The following CYP2A13 variants were observed in gnomAD, a reference collection of about 807,000 sequenced individuals.
CYP2A13 encodes the protein cytochrome P450 family 2 subfamily A member 13.
In CYP2A13, 30 loss-of-function variants were observed where a neutral mutation model predicts 39.4. That is an observed-to-expected ratio of 0.76 (90% confidence interval 0.57 to 1.03). The LOEUF (loss-of-function observed/expected upper bound fraction) is 1.03, where lower values mean the gene tolerates loss of function less well. Among genes scored for constraint, CYP2A13 ranks in the 50% least tolerant of loss-of-function variants. The probability of loss-of-function intolerance (pLI) is 0.00; values close to 1 mark genes in which losing one functional copy is unlikely to be tolerated. For missense variants in CYP2A13, 731 were observed against 648.4 expected (o/e 1.13, Z -1.38); for synonymous variants, 269 against 254.7 (o/e 1.06, Z -0.54).
chr19:41,093,527 A>C (rs556095747), intron 5 of CYP2A13, 103 bp from the exon 6 acceptor site: 2 of 1,425,870 alleles, frequency 1.4e-6, no homozygotes, highest in East Asian at 2.3e-5. Context: ...CCCTCTTTCC[A>C]CCTTTGGTCT....
intron 6 of CYP2A13, among the ~76,000 whole-genome samples, chr19:41,094,001 T>C (rs113878672): frequency 0.024 from 3,649 of 152,182 alleles, 125 homozygotes; most frequent in African/African-American, 0.08. Flanking sequence ...CCACTGAGTG[T>C]CCGCTGCCTG....
rs368912033 is a variant in CYP2A13 at position 41,094,236 on chromosome 19, C to A, written c.974-9C>A. Reference sequence around the variant, plus strand: ...CTAGACACCTAAACACATTCCCCTCCTCCCCCAGCCAAGGTCCATGAGGAG... The same window carrying A: ...CTAGACACCTAAACACATTCCCCTCATCCCCCAGCCAAGGTCCATGAGGAG... On this transcript the variant is annotated splice_polypyrimidine_tract_variant and intron_variant, in intron 6 of 8. Transcript: ENST00000330436. The A allele has an allele frequency of 2.5e-5, 40 of 1,613,460 alleles. No individual in the cohort carries two copies. The Middle Eastern group carries it at 6.6e-4, about 27-fold the overall frequency.
rs3745284 is a variant in CYP2A13, at chr19:41,096,042, G to A, written c.*101G>A. Reference sequence around the variant, plus strand: ...GGGCGGGGCTAAGAATGGGGGCAGTGGGGGAAGGAAGGGGAGAGGTGGTTA... The same window carrying A: ...GGGCGGGGCTAAGAATGGGGGCAGTAGGGGAAGGAAGGGGAGAGGTGGTTA... On this transcript the variant is annotated 3_prime_UTR_variant, in exon 9 of 9. Coordinates refer to ENST00000330436, the MANE Select transcript of CYP2A13 (RefSeq NM_000766.5). The A allele has an allele frequency of 2.1e-5, 29 of 1,408,746 alleles. No homozygotes were observed. Among genetic ancestry groups the A allele is most frequent in the Admixed American group, 8.5e-5 (4 of 46,990 alleles). 87.3% of individuals were successfully genotyped at this position (1,408,746 alleles called of 1,614,324 possible).
chr19:41,088,521 T>C lies in CYP2A13; in HGVS notation c.50T>C (p.Val17Ala). 6.2e-7 allele frequency: 1 copy of C among 1,614,036 alleles called. No homozygotes were observed. Among genetic ancestry groups the C allele is most frequent in the Non-Finnish European group, 8.5e-7 (1 of 1,179,916 alleles). Reference protein sequence around the residue: ...LLVTLLACLTVMVLMSVWRQR... With the variant: ...LLVTLLACLTAMVLMSVWRQR... ...GTGACCTTGCTGGCCTGCCTGACTG[T>C]GATGGTCTTGATGTCAGTCTGGCGG... Residue 17 changes from valine (V) to alanine (A), a missense_variant, in exon 1 of 9, where the codon GTG (valine) becomes GCG (alanine). Coordinates refer to ENST00000330436, the MANE Select transcript of CYP2A13 (RefSeq NM_000766.5).
intron 5 of CYP2A13, among the ~76,000 whole-genome samples, chr19:41,092,206 C>T (rs1417709333): frequency 2.0e-5 from 3 of 150,696 alleles, no homozygotes; most frequent in Admixed American, 6.7e-5. Context: ...ATCCCAGCTA[C>T]TCAGGAGGCT....
At chr19:41,090,958 G>C (rs1260704697) in intron 4 of CYP2A13, among the ~76,000 whole-genome samples, 3 of 152,088 alleles carry the variant, frequency 2.0e-5, no homozygotes, top group Admixed American at 1.3e-4. Context: ...TGAACACCTG[G>C]TGCTGCAAAA....
chr19:41,089,941 C>T (rs1426248357), intron 2 of CYP2A13, 106 bp from the exon 3 acceptor site: 1 of 1,377,432 alleles, frequency 7.3e-7, no homozygotes, highest in Non-Finnish European at 9.6e-7. Context: ...ATCTCTCTCC[C>T]ACCCCACTCC....
At chr19:41,089,278 C>G (rs975594093) in intron 2 of CYP2A13, among the ~76,000 whole-genome samples, 187 bp downstream of exon 2, 4 of 152,096 alleles carry the variant, frequency 2.6e-5, no homozygotes, top group African/African-American at 9.7e-5. Context: ...GCGTCCCTGT[C>G]GTGATTCCTC....
At chr19:41,088,780 G>A in intron 1 of CYP2A13, 129 bp downstream of exon 1, 3 of 1,535,574 alleles carry the variant, frequency 2.0e-6, no homozygotes, top group South Asian at 1.3e-5. Context: ...CAGCATCAGG[G>A]TCCTAGCAGG....
chr19:41,094,459 C>T (rs765753471), intron 7 of CYP2A13, 27 bp downstream of exon 7: 5 of 1,613,100 alleles, frequency 3.1e-6, no homozygotes, highest in African/African-American at 1.3e-5. Context: ...ACCACCACCA[C>T]TCAGACTACG....
chr19:41,094,149 G>T (rs16974961), intron 6 of CYP2A13, 96 bp from the exon 7 acceptor site: 124,582 of 1,539,234 alleles, frequency 0.081, 5,489 homozygotes, highest in Middle Eastern at 0.13. Flanking sequence ...CCGTGTCATA[G>T]GTGGAGCTAT....
chr19:41,091,491 A>C (rs1402403797), intron 4 of CYP2A13, among the ~76,000 whole-genome samples: 3 of 152,146 alleles, frequency 2.0e-5, no homozygotes, highest in Non-Finnish European at 4.4e-5. Flanking sequence ...TCATTTGCAT[A>C]CCTGAAACCT....
intron 1 of CYP2A13, 106 bp from the exon 2 acceptor site, chr19:41,088,823 A>G (rs1724479469): frequency 1.9e-6 from 3 of 1,554,180 alleles, no homozygotes; most frequent in African/African-American, 2.7e-5. Flanking sequence ...CAGCTCCCTG[A>G]CTGTGAGAAC....
intron 4 of CYP2A13, among the ~76,000 whole-genome samples, chr19:41,091,462 T>C (rs1177865296): frequency 1.3e-5 from 2 of 152,202 alleles, no homozygotes; most frequent in African/African-American, 4.8e-5. Flanking sequence ...AACACCTAGA[T>C]GTGTGCTCCA....
At position 41,088,869 on chromosome 19, in the gene CYP2A13, T is replaced by G; in HGVS notation, c.181-60T>G. ...AGCATCCCAGTACATGATATCTCAG[T>G]GCTGGGCCCATTCAGAGTGGGGGCT... is the stretch of plus-strand genomic sequence containing the variant. On this transcript the variant is annotated intron_variant, in intron 1 of 8. Coordinates refer to ENST00000330436, the MANE Select transcript of CYP2A13 (RefSeq NM_000766.5). The G allele has an allele frequency of 2.5e-6, 4 of 1,603,972 alleles. No individual in the cohort carries two copies. In the South Asian group the frequency reaches 3.3e-5, roughly 13 times the overall value.
In CYP2A13 at chr19:41,088,667, G is replaced by A; in HGVS notation, c.180+16G>A. On this transcript the variant is annotated intron_variant, in intron 1 of 8. Coordinates refer to ENST00000330436, the MANE Select transcript of CYP2A13 (RefSeq NM_000766.5). ...CCTCATGAAGGTGTCCTAAGGCAGG[G>A]AGATGGGTGGCACGGGGTGGGGGCT... 6.2e-7 allele frequency: 1 copy of A among 1,607,574 alleles called. No homozygotes were observed. Among genetic ancestry groups the A allele is most frequent in the Non-Finnish European group, 8.5e-7 (1 of 1,175,756 alleles).
rs112782936 is a variant in CYP2A13 at position 41,088,845 on chromosome 19, G to A, written c.181-84G>A. 1.8e-3 allele frequency: 2,834 copies of A among 1,553,822 alleles called. 43 individuals are homozygous for A. In the African/African-American group the frequency reaches 0.032, roughly 17 times the overall value. On this transcript the variant is annotated intron_variant, in intron 1 of 8. Transcript: ENST00000330436. ...CTGACTGTGAGAACCTGGGGGCGAA[G>A]CATCCCAGTACATGATATCTCAGTG...
intron 8 of CYP2A13, 59 bp downstream of exon 8, chr19:41,095,159 C>A: frequency 6.2e-7 from 1 of 1,613,668 alleles, no homozygotes. Flanking sequence ...CCTCTCTCAC[C>A]CACCTCCCCT....
At position 41,093,711 on chromosome 19, in the gene CYP2A13, A is replaced by T. The variant is rs1480042590; in HGVS notation, c.913A>T (p.Thr305Ser). The T allele has an allele frequency of 3.7e-6, 6 of 1,614,096 alleles. No homozygotes were observed. Among genetic ancestry groups the T allele is most frequent in the Non-Finnish European group, 5.1e-6 (6 of 1,180,018 alleles). ...TLNLFFAGTE[T>S]VSTTLRYGFL... Reference sequence around the variant, plus strand: ...GAACCTCTTCTTTGCGGGCACTGAGACCGTGAGCACCACCCTGCGCTACGG... The same window carrying T: ...GAACCTCTTCTTTGCGGGCACTGAGTCCGTGAGCACCACCCTGCGCTACGG... The change falls in exon 6 of 9, where the codon ACC becomes TCC. Residue 305 changes from threonine (T) to serine (S), a missense_variant. Coordinates refer to ENST00000330436, the MANE Select transcript of CYP2A13 (RefSeq NM_000766.5).
Sources: gnomAD v4.1 joint callset for allele counts (sites outside exome capture counted in the v4.1 genomes callset) on GRCh38, gnomAD v4.1.1 for gene constraint, MANE v1.5 for transcripts, NCBI Gene and HGNC (gene_info 2026-07-23, HGNC 2026-07-21) for gene names.